The following PSMD9 variants were observed in gnomAD, a reference collection of about 807,000 sequenced individuals.
PSMD9 encodes the protein 26S proteasome non-ATPase regulatory subunit 9.
In PSMD9, 26 loss-of-function variants were observed where a neutral mutation model predicts 25.9. The ratio of observed to expected loss-of-function variants is 1.00; its 90% CI spans 0.73 to 1.39. The LOEUF is 1.39. Among genes scored for constraint, PSMD9 ranks in the 40% most tolerant of loss-of-function variants. The pLI is 0.00. For synonymous variants in PSMD9, 110 were observed against 114.5 expected (o/e 0.96, Z 0.25); for missense variants, 303 against 299.3 (o/e 1.01, Z -0.09).
At chr12:121,914,455 CAGG>C (rs1879833373) in intron 4 of PSMD9, 1 of 152,134 alleles carries the variant, frequency 6.6e-6, no homozygotes, top group African/African-American at 2.4e-5. Flanking sequence ...GAGGCTGAGG[CAGG>C]AGAATTGCTT....
chr12:121,896,933 A>G (rs1879248395), intron 2 of PSMD9, among the ~76,000 whole-genome samples: 1 of 152,098 alleles, frequency 6.6e-6, no homozygotes, highest in Admixed American at 6.6e-5. Flanking sequence ...AACAGCATAT[A>G]TACACATACA....
chr12:121,911,730 C>T (rs1033433977), intron 4 of PSMD9, among the ~76,000 whole-genome samples: 1 of 151,184 alleles, frequency 6.6e-6, no homozygotes, highest in African/African-American at 2.4e-5. Context: ...TCTCAGCTCA[C>T]TGCAACCTCC....
intron 2 of PSMD9, among the ~76,000 whole-genome samples, chr12:121,895,529 G>T (rs909705257): frequency 6.6e-6 from 1 of 152,142 alleles, no homozygotes; most frequent in Non-Finnish European, 1.5e-5. Flanking sequence ...TAAAATCAAG[G>T]TGTTGGCAGG....
Position 121,894,022 on chromosome 12 carries a change from G to C in PSMD9, c.139-717G>C, listed in dbSNP as rs1263968208. On this transcript the variant is annotated intron_variant, in intron 1 of 5. Coordinates refer to ENST00000541212, the MANE Select transcript of PSMD9 (RefSeq NM_002813.7). The stretch of plus-strand genomic sequence containing the variant: ...AGAGGAGAAGGTCTCAGCTAAGGAT[G>C]CCCAGCTTGTACATGGCAGAGTTGA... 3.3e-5 allele frequency: 5 copies of C among 152,156 alleles called. No individual in the cohort carries two copies. The East Asian group carries it at 5.8e-4, about 18-fold the overall frequency. The allele number at this position is 152,156 out of a possible 1,614,324, so 9.4% of individuals were successfully genotyped here. A position where few individuals can be genotyped will look rare whatever the true frequency, so the allele number is the denominator to read the frequency against.
At chr12:121,889,841 A>C (rs1267903937) in intron 1 of PSMD9, among the ~76,000 whole-genome samples, 1 of 152,162 alleles carries the variant, frequency 6.6e-6, no homozygotes, top group Non-Finnish European at 1.5e-5. Context: ...ATCACAGATC[A>C]GTTTGCAGAG....
chr12:121,899,320 C>T lies in PSMD9; in HGVS notation c.242-314C>T, dbSNP rs112784361. The T allele has an allele frequency of 1.7e-5, 6 of 350,082 alleles. 1 individual carries two copies. Among genetic ancestry groups the T allele is most frequent in the South Asian group, 1.1e-4 (3 of 26,592 alleles). 21.7% of individuals were successfully genotyped at this position (350,082 alleles called of 1,614,324 possible). The stretch of plus-strand genomic sequence containing the variant: ...TGTTACCTTCCTTCTGCTCACCTCT[C>T]AGGGCTCACCCGAGACAGCACTGCC... On this transcript the variant is annotated intron_variant, in intron 2 of 5. Transcript: ENST00000541212.
At chr12:121,891,038 G>A (rs1879057174) in intron 1 of PSMD9, among the ~76,000 whole-genome samples, 1 of 137,590 alleles carries the variant, frequency 7.3e-6, no homozygotes, top group South Asian at 2.5e-4. Context: ...CCTGAGGCCA[G>A]GATGGTCTCG....
chr12:121,906,859 G>C (rs1419779043), intron 4 of PSMD9, among the ~76,000 whole-genome samples: 1 of 150,416 alleles, frequency 6.6e-6, no homozygotes, highest in African/African-American at 2.4e-5. Context: ...CCAGCTACTT[G>C]GGAGGCCGAG....
intron 4 of PSMD9, chr12:121,914,175 C>T (rs993379221): frequency 9.9e-5 from 15 of 152,134 alleles, no homozygotes; most frequent in African/African-American, 3.6e-4. Flanking sequence ...GCGTGAGCCA[C>T]CGTGCCTGGA....
At chr12:121,898,148 C>T (rs1879287763) in intron 2 of PSMD9, 1 of 152,172 alleles carries the variant, frequency 6.6e-6, no homozygotes, top group Non-Finnish European at 1.5e-5. Context: ...ACATCTGCTC[C>T]TGTGGGTTGA....
At chr12:121,892,192 CAATAATAAA>C (rs1879104322) in intron 1 of PSMD9, among the ~76,000 whole-genome samples, 1 of 152,018 alleles carries the variant, frequency 6.6e-6, no homozygotes, top group Non-Finnish European at 1.5e-5. Context: ...TCTTACAACT[CAATAATAAA>C]AAGACAGCCA....
At chr12:121,912,984 T>C (rs143523078) in intron 4 of PSMD9, among the ~76,000 whole-genome samples, 42,844 of 147,988 alleles carry the variant, frequency 0.29, 6,530 homozygotes, top group East Asian at 0.51. Flanking sequence ...TCACCCAGGC[T>C]GGAGTGCAGT....
At chr12:121,909,151 G>A (rs1198861709) in intron 4 of PSMD9, among the ~76,000 whole-genome samples, 13 of 152,042 alleles carry the variant, frequency 8.6e-5, no homozygotes, top group Non-Finnish European at 2.9e-5. Context: ...CAATCAAAGA[G>A]ACATTTAGGG....
At chr12:121,902,967 A>C (rs747488144) in intron 3 of PSMD9, 39 bp from the exon 4 acceptor site, 1 of 1,534,988 alleles carries the variant, frequency 6.5e-7, no homozygotes, top group African/African-American at 1.4e-5. Flanking sequence ...AGCACACTGA[A>C]CCTCTAGCCT....
In PSMD9 at chr12:121,912,639, G is replaced by A. The variant is rs1175208013; in HGVS notation, c.556-3217G>A. Among the ~76,000 whole-genome samples, 4 of 152,156 alleles carry A rather than the reference G, an allele frequency of 2.6e-5. 1 individual carries two copies. The highest frequency in any genetic ancestry group is 3.9e-4 in the East Asian group (2 of 5,142). On this transcript the variant is annotated intron_variant, in intron 4 of 5. Transcript: ENST00000541212. Reference sequence around the variant, plus strand: ...CCAGTGCTTTGGGAGGCTGAGGCGGGCGGATCACTCGAGCTCAGGAGTTTG... The same window carrying A: ...CCAGTGCTTTGGGAGGCTGAGGCGGACGGATCACTCGAGCTCAGGAGTTTG...
chr12:121,913,023 G>A (rs1204941971), intron 4 of PSMD9, among the ~76,000 whole-genome samples: 5 of 147,024 alleles, frequency 3.4e-5, no homozygotes, highest in Non-Finnish European at 7.4e-5. Context: ...TGCAAACTCC[G>A]CCTCCTGGGT....
At position 121,903,211 on chromosome 12, in the gene PSMD9, G is replaced by T. The variant is rs569541974; in HGVS notation, c.555+104G>T. ...CAGAAGTTCATTTTTCACAGCTCTG[G>T]AGGCAGGGAAGTCCAAGATCCAGGC... On this transcript the variant is annotated intron_variant, in intron 4 of 5. Coordinates refer to ENST00000541212, the MANE Select transcript of PSMD9 (RefSeq NM_002813.7). 7 of 1,068,420 alleles carry T rather than the reference G, an allele frequency of 6.6e-6. No homozygotes were observed. In the East Asian group the frequency reaches 1.5e-4, roughly 23 times the overall value. 66.2% of individuals were successfully genotyped at this position (1,068,420 alleles called of 1,614,324 possible). A position where few individuals can be genotyped will look rare whatever the true frequency, so the allele number is the denominator to read the frequency against.
intron 1 of PSMD9, among the ~76,000 whole-genome samples, chr12:121,893,512 G>A (rs891103104): frequency 6.6e-6 from 1 of 152,230 alleles, no homozygotes; most frequent in African/African-American, 2.4e-5. Context: ...AATTTACTTT[G>A]TCCCAGCTCT....
At position 121,888,808 on chromosome 12, in the gene PSMD9, G is replaced by C. The variant is rs747960389; in HGVS notation, c.-49G>C. 159 of 1,570,910 alleles carry C rather than the reference G, an allele frequency of 1.0e-4. No homozygotes were observed. Among genetic ancestry groups the C allele is most frequent in the Non-Finnish European group, 1.3e-4 (156 of 1,159,074 alleles). On this transcript the variant is annotated 5_prime_UTR_variant, in exon 1 of 6. Transcript: ENST00000541212. ...CGTAGTTACGGTCGACTGGGGCGTC[G>C]TCCCTAGCCCGGGAGCCGGGTCTCT... is the stretch of plus-strand genomic sequence containing the variant.
Sources: allele counts gnomAD v4.1 joint callset (sites outside exome capture counted in the v4.1 genomes callset), GRCh38; gene constraint gnomAD v4.1.1; transcripts MANE v1.5; gene names NCBI Gene and HGNC (gene_info 2026-07-23, HGNC 2026-07-21).